The following CCDC85C variants were observed in gnomAD, a reference collection of about 807,000 sequenced individuals.
CCDC85C encodes the protein coiled-coil domain containing 85C.
Under a neutral mutation model 38.3 loss-of-function variants are expected in CCDC85C, and 18 were observed. That is an observed-to-expected ratio of 0.47 (90% CI 0.33 to 0.70). The LOEUF (loss-of-function observed/expected upper bound fraction) is 0.70, where lower values mean the gene tolerates loss of function less well. Ranked by LOEUF, CCDC85C falls within the 30% of genes least tolerant of loss-of-function variation. CCDC85C has a pLI of 0.03. For missense variants in CCDC85C, 566 were observed against 621.2 expected, an observed-to-expected ratio of 0.91 and a Z score of 0.94; for synonymous variants, 264 against 293.8, an observed-to-expected ratio of 0.90 and a Z score of 1.04.
chr14:99,537,235 C>T (rs756100279), intron 1 of CCDC85C, among the ~76,000 whole-genome samples: 2 of 152,140 alleles, frequency 1.3e-5, no homozygotes, highest in Non-Finnish European at 2.9e-5. Flanking sequence ...AGATTCATGC[C>T]GCTCACCCTC....
chr14:99,502,440 C>T lies in CCDC85C; in HGVS notation c.*12806G>A. On this transcript the variant is annotated 3_prime_UTR_variant, in exon 6 of 6. Coordinates refer to ENST00000380243, the MANE Select transcript of CCDC85C (RefSeq NM_001144995.2). Reference sequence around the variant, plus strand: ...TGTTGAGATGATTCTTCCATGTGTACCCTGAGTCCCAAGAATGGATTTTCC... The same window carrying T: ...TGTTGAGATGATTCTTCCATGTGTATCCTGAGTCCCAAGAATGGATTTTCC... 6.4e-7 allele frequency: 1 copy of T among 1,555,064 alleles called. No homozygotes were observed. Among genetic ancestry groups the T allele is most frequent in the South Asian group, 1.2e-5 (1 of 80,584 alleles).
At chr14:99,523,331 T>C (rs1897328062) in intron 2 of CCDC85C, among the ~76,000 whole-genome samples, 1 of 152,156 alleles carries the variant, frequency 6.6e-6, no homozygotes, top group Non-Finnish European at 1.5e-5. Flanking sequence ...CCTCAAAAGC[T>C]GGACCTGGCC....
In CCDC85C at chr14:99,510,262, C is replaced by T. The variant is rs1400046688; in HGVS notation, c.*4984G>A. 2 of 1,551,886 alleles carry T rather than the reference C, an allele frequency of 1.3e-6. No individual in the cohort carries two copies. Among genetic ancestry groups the T allele is most frequent in the Admixed American group, 1.8e-5 (1 of 54,084 alleles). On this transcript the variant is annotated 3_prime_UTR_variant, in exon 6 of 6. Coordinates refer to ENST00000380243, the MANE Select transcript of CCDC85C (RefSeq NM_001144995.2). ...CAGATTCCCCCTCCGGCCCACCCGG[C>T]CCCTGTGCACCAGCCACCGCCGCTG... is the stretch of plus-strand genomic sequence containing the variant.
At position 99,514,113 on chromosome 14, in the gene CCDC85C, C is replaced by A. The variant is rs903070392; in HGVS notation, c.*1133G>T. 1 of 152,330 alleles carries A rather than the reference C, an allele frequency of 6.6e-6. No individual in the cohort carries two copies. The highest frequency in any genetic ancestry group is 2.4e-5 in the African/African-American group (1 of 41,474). The allele number at this position is 152,330 out of a possible 1,614,324, so 9.4% of individuals were successfully genotyped here. A position where few individuals can be genotyped will look rare whatever the true frequency, so the allele number is the denominator to read the frequency against. ...CGCCCTCAGCCGTCGGCTGTTGGCT[C>A]ACGCCCCCTCAGTGAGGACCCCTGC... On this transcript the variant is annotated 3_prime_UTR_variant, in exon 6 of 6. Transcript: ENST00000380243.
intron 1 of CCDC85C, among the ~76,000 whole-genome samples, chr14:99,560,322 G>A (rs1411895410): frequency 1.3e-5 from 2 of 152,198 alleles, no homozygotes; most frequent in African/African-American, 4.8e-5. Flanking sequence ...TGGGCCGGGA[G>A]AGCCTAGGAC....
chr14:99,510,123 G>T lies in CCDC85C; in HGVS notation c.*5123C>A. The T allele has an allele frequency of 1.3e-6, 2 of 1,568,896 alleles. No individual in the cohort carries two copies. Among genetic ancestry groups the T allele is most frequent in the East Asian group, 2.3e-5 (1 of 43,634 alleles). On this transcript the variant is annotated 3_prime_UTR_variant, in exon 6 of 6. Transcript: ENST00000380243. Reference sequence around the variant, plus strand: ...CACTGAAAAAGCAACCATTGCTGGCGGAGGCCGGGCACTGATGCGTCTCTC... The same window carrying T: ...CACTGAAAAAGCAACCATTGCTGGCTGAGGCCGGGCACTGATGCGTCTCTC...
chr14:99,559,834 C>A (rs192270151), intron 1 of CCDC85C, among the ~76,000 whole-genome samples: 34 of 152,254 alleles, frequency 2.2e-4, no homozygotes, highest in Middle Eastern at 3.4e-3. Context: ...AAACCCACAG[C>A]AGGTGGGCCC....
At chr14:99,523,183 G>T (rs530883801) in intron 2 of CCDC85C, among the ~76,000 whole-genome samples, 3 of 152,246 alleles carry the variant, frequency 2.0e-5, no homozygotes, top group African/African-American at 7.2e-5. Flanking sequence ...TGCAGGGGCA[G>T]GGGAGGCCCA....
At chr14:99,515,433 C>T (rs1897206982) in intron 5 of CCDC85C, 98 bp from the exon 6 acceptor site, 1 of 861,114 alleles carries the variant, frequency 1.2e-6, no homozygotes, top group Non-Finnish European at 1.8e-6. Flanking sequence ...CACCCACGTC[C>T]TCAGAGCCAT....
chr14:99,592,014 G>A (rs2895809), intron 1 of CCDC85C, among the ~76,000 whole-genome samples: 5,210 of 152,224 alleles, frequency 0.034, 517 homozygotes, highest in East Asian at 0.28. Flanking sequence ...AATGACAGGC[G>A]CGAGCCACCA....
chr14:99,570,961 C>G (rs534819393), intron 1 of CCDC85C, among the ~76,000 whole-genome samples: 1 of 152,062 alleles, frequency 6.6e-6, no homozygotes, highest in Non-Finnish European at 1.5e-5. Context: ...CCAGATCCCA[C>G]GAGGGGCTTC....
At position 99,596,425 on chromosome 14, in the gene CCDC85C, G is replaced by A. The variant is rs531847086; in HGVS notation, c.793+6742C>T. ...TCTACTGTAGTTAAACATGCTCCAC[G>A]CCTCTGTTTGAACAGTACACATAAG... On this transcript the variant is annotated intron_variant, in intron 1 of 5. Transcript: ENST00000380243. Among the ~76,000 whole-genome samples the A allele has an allele frequency of 4.6e-5, 7 of 152,028 alleles. No homozygotes were observed. In the East Asian group the frequency reaches 7.7e-4, roughly 17 times the overall value.
chr14:99,580,511 G>A (rs1272422772), intron 1 of CCDC85C, among the ~76,000 whole-genome samples: 6 of 151,382 alleles, frequency 4.0e-5, no homozygotes, highest in Non-Finnish European at 5.9e-5. Flanking sequence ...AACTGGAGGC[G>A]GAGAAGACAG....
chr14:99,601,020 G>A (rs2139997362), intron 1 of CCDC85C, among the ~76,000 whole-genome samples: 1 of 152,066 alleles, frequency 6.6e-6, no homozygotes, highest in African/African-American at 2.4e-5. Flanking sequence ...GTGACACCCT[G>A]TCTCGAAAAA....
intron 1 of CCDC85C, among the ~76,000 whole-genome samples, chr14:99,570,911 C>T (rs895471114): frequency 1.3e-5 from 2 of 152,282 alleles, no homozygotes; most frequent in East Asian, 3.9e-4. Flanking sequence ...GGGCCTCCTT[C>T]CCTCCCAGTA....
In CCDC85C at chr14:99,543,717, C is replaced by T. The variant is rs1482774926; in HGVS notation, c.794-7629G>A. Among the ~76,000 whole-genome samples the T allele has an allele frequency of 5.9e-5, 9 of 152,178 alleles. No individual in the cohort carries two copies. In the East Asian group the frequency reaches 1.6e-3, roughly 26 times the overall value. ...GGTACACCTGTGCTGTGCCCCTTAG[C>T]ATCAGTGGCCATGCCAATCCCAGCT... On this transcript the variant is annotated intron_variant, in intron 1 of 5. Coordinates refer to ENST00000380243, the MANE Select transcript of CCDC85C (RefSeq NM_001144995.2).
In CCDC85C at chr14:99,500,521, G is replaced by T. The variant is rs539684383; in HGVS notation, c.*14725C>A. On this transcript the variant is annotated 3_prime_UTR_variant, in exon 6 of 6. Coordinates refer to ENST00000380243, the MANE Select transcript of CCDC85C (RefSeq NM_001144995.2). ...TATTGAAAATAATAATATTTTTAAG[G>T]ATCTTTTGTTTTCAGTATTTTTTTT... 1.1e-4 allele frequency: 49 copies of T among 426,568 alleles called. No individual in the cohort carries two copies. The highest frequency in any genetic ancestry group is 1.7e-5 in the Non-Finnish European group (4 of 241,640). The allele number at this position is 426,568 out of a possible 1,614,324, so 26.4% of individuals were successfully genotyped here.
rs1370363287 is a variant in CCDC85C, at chr14:99,548,563, C to G, written c.794-12475G>C. Among the ~76,000 whole-genome samples, 3 of 151,942 alleles carry G rather than the reference C, an allele frequency of 2.0e-5. No homozygotes were observed. Among genetic ancestry groups the G allele is most frequent in the East Asian group, 1.9e-4 (1 of 5,140 alleles). On this transcript the variant is annotated intron_variant, in intron 1 of 5. Transcript: ENST00000380243. This position sits in a 1 kb window ranked among gnomAD's most constrained non-coding sequence, Gnocchi z 4.9. Reference sequence around the variant, plus strand: ...ACAAGACCGTGTCTGCCAACACCAGCTGTACTAGTGAAAACTGTAAACCAC... The same window carrying G: ...ACAAGACCGTGTCTGCCAACACCAGGTGTACTAGTGAAAACTGTAAACCAC...
rs768463516 is a variant in CCDC85C, at chr14:99,510,260, G to A, written c.*4986C>T. The A allele has an allele frequency of 1.1e-4, 45 of 407,000 alleles. No homozygotes were observed. Among genetic ancestry groups the A allele is most frequent in the Admixed American group, 5.0e-4 (9 of 17,832 alleles). The allele number at this position is 407,000 out of a possible 1,614,324, so 25.2% of individuals were successfully genotyped here. A position where few individuals can be genotyped will look rare whatever the true frequency, so the allele number is the denominator to read the frequency against. On this transcript the variant is annotated 3_prime_UTR_variant, in exon 6 of 6. Coordinates refer to ENST00000380243, the MANE Select transcript of CCDC85C (RefSeq NM_001144995.2). ...TCCAGATTCCCCCTCCGGCCCACCCGGCCCCTGTGCACCAGCCACCGCCGC... is the reference window on the plus strand; with the variant it reads ...TCCAGATTCCCCCTCCGGCCCACCCAGCCCCTGTGCACCAGCCACCGCCGC...
Sources: allele counts gnomAD v4.1 joint callset (sites outside exome capture counted in the v4.1 genomes callset), GRCh38; gene constraint gnomAD v4.1.1; non-coding constraint Gnocchi (gnomAD v3.1); transcripts MANE v1.5; gene names NCBI Gene and HGNC (gene_info 2026-07-23, HGNC 2026-07-21).